The following IRAK4 variants were observed in gnomAD, a reference collection of about 807,000 sequenced individuals.
IRAK4 encodes the protein interleukin 1 receptor associated kinase 4, also known as interleukin-1 receptor-associated kinase 4.
A neutral mutation model predicts 51.8 loss-of-function variants in IRAK4; 44 were observed. The ratio of observed to expected loss-of-function variants is 0.85; its 90% CI spans 0.67 to 1.09. The LOEUF (loss-of-function observed/expected upper bound fraction) is 1.09. IRAK4 is among the 50% of genes least tolerant of loss of function. The probability of loss-of-function intolerance (pLI) is 0.00; values close to 1 mark genes in which losing one functional copy is unlikely to be tolerated. For synonymous variants in IRAK4, 149 were observed against 174.1 expected, an observed-to-expected ratio of 0.86 and a Z score of 1.13; for missense variants, 487 against 538.0, an observed-to-expected ratio of 0.91 and a Z score of 0.94.
chr12:43,764,566 T>A (rs1317357487), intron 1 of IRAK4, among the ~76,000 whole-genome samples: 1 of 152,246 alleles, frequency 6.6e-6, no homozygotes, highest in Non-Finnish European at 1.5e-5. Flanking sequence ...AAGTCTTTTT[T>A]ACATTATTAA....
chr12:43,771,104 C>G, intron 2 of IRAK4, 116 bp from the exon 3 acceptor site: 1 of 940,750 alleles, frequency 1.1e-6, no homozygotes, highest in Admixed American at 2.0e-5. Context: ...CCTCCAGAAC[C>G]GTGAGCCAAA....
intron 6 of IRAK4, among the ~76,000 whole-genome samples, chr12:43,776,585 T>A (rs537708077): frequency 3.3e-5 from 5 of 152,374 alleles, no homozygotes; most frequent in Admixed American, 3.3e-4. Context: ...CATGTTTACA[T>A]TTGCTCATTT....
chr12:43,767,958 A>G (rs1207871506), intron 1 of IRAK4, 145 bp from the exon 2 acceptor site: 8 of 631,854 alleles, frequency 1.3e-5, no homozygotes, highest in Non-Finnish European at 1.9e-5. Flanking sequence ...TTAGGATATC[A>G]ATGACTTGAC....
At chr12:43,777,590 TTTA>T (rs1280500859) in intron 6 of IRAK4, 37 bp from the exon 7 acceptor site, 1 of 1,553,504 alleles carries the variant, frequency 6.4e-7, no homozygotes, top group Non-Finnish European at 8.7e-7. Context: ...TGAATATATA[TTTA>T]TTATAATAAT....
intron 3 of IRAK4, among the ~76,000 whole-genome samples, chr12:43,771,893 C>T (rs993688148): frequency 1.3e-5 from 2 of 152,064 alleles, no homozygotes; most frequent in African/African-American, 4.8e-5. Flanking sequence ...TCTATGTAAT[C>T]AGAATTCTGG....
intron 7 of IRAK4, 42 bp from the exon 8 acceptor site, chr12:43,778,148 TTTA>T: frequency 8.9e-7 from 1 of 1,129,784 alleles, no homozygotes. Context: ...CTGTAGATTT[TTTA>T]TTATTCTTTC....
intron 3 of IRAK4, among the ~76,000 whole-genome samples, chr12:43,771,928 T>A (rs1379348699): frequency 6.6e-6 from 1 of 152,222 alleles, no homozygotes; most frequent in African/African-American, 2.4e-5. Context: ...TCTATATTCT[T>A]AAACAGGTGC....
At chr12:43,773,472 A>T (rs1487987081) in intron 5 of IRAK4, among the ~76,000 whole-genome samples, 1 of 151,954 alleles carries the variant, frequency 6.6e-6, no homozygotes, top group Non-Finnish European at 1.5e-5. Flanking sequence ...AAACATTAAA[A>T]TTTTTTTTAT....
At chr12:43,762,658 G>T (rs1375915597) in intron 1 of IRAK4, among the ~76,000 whole-genome samples, 1 of 152,148 alleles carries the variant, frequency 6.6e-6, no homozygotes, top group East Asian at 1.9e-4. Context: ...CACATAAACA[G>T]TAAAACATAA....
In IRAK4 at chr12:43,783,797, G is replaced by A. The variant is rs939403831; in HGVS notation, c.1188+73G>A. 3 of 984,288 alleles carry A rather than the reference G, an allele frequency of 3.0e-6. No individual in the cohort carries two copies. The African/African-American group carries it at 4.8e-5, about 16-fold the overall frequency. 61.0% of individuals were successfully genotyped at this position (984,288 alleles called of 1,614,324 possible). A position where few individuals can be genotyped will look rare whatever the true frequency, so the allele number is the denominator to read the frequency against. On this transcript the variant is annotated intron_variant, in intron 10 of 11. Transcript: ENST00000613694. ...AGTCTAAATTTATATGGATAAATTT[G>A]ACATCTAAAAATAACATTTTCTATT...
In IRAK4 at chr12:43,786,379, T is replaced by A; in HGVS notation, c.1189-20T>A. The A allele has an allele frequency of 6.7e-7, 1 of 1,503,032 alleles. No homozygotes were observed. The highest frequency in any genetic ancestry group is 9.1e-7 in the Non-Finnish European group (1 of 1,096,608). 93.1% of individuals were successfully genotyped at this position (1,503,032 alleles called of 1,614,324 possible). On this transcript the variant is annotated intron_variant, in intron 10 of 11. Coordinates refer to ENST00000613694, the MANE Select transcript of IRAK4 (RefSeq NM_016123.4). ...TCACTATGATTTGAAGCTCTTAAAGTTTTAACACTCATTTTAAAGCTAGAT... is the reference window on the plus strand; with the variant it reads ...TCACTATGATTTGAAGCTCTTAAAGATTTAACACTCATTTTAAAGCTAGAT...
At chr12:43,765,630 C>CAA (rs545650660) in intron 1 of IRAK4, among the ~76,000 whole-genome samples, 3,574 of 140,432 alleles carry the variant, frequency 0.025, 87 homozygotes, top group East Asian at 0.1. Context: ...ATACATTTTG[C>CAA]AAAAAAAAAA....
chr12:43,759,072 A>G (rs1248810859), intron 1 of IRAK4, 56 bp downstream of exon 1: 1 of 152,264 alleles, frequency 6.6e-6, no homozygotes, highest in African/African-American at 2.4e-5. Context: ...GTCCGCTTCC[A>G]GGCCTCGGCA....
intron 1 of IRAK4, among the ~76,000 whole-genome samples, chr12:43,760,343 C>T (rs977579190): frequency 3.9e-5 from 6 of 152,202 alleles, no homozygotes; most frequent in African/African-American, 1.4e-4. Context: ...CTCCTAAATG[C>T]TTCTTTCTTG....
chr12:43,777,941 C>T (rs1287290568), intron 7 of IRAK4, among the ~76,000 whole-genome samples, 197 bp downstream of exon 7: 1 of 152,068 alleles, frequency 6.6e-6, no homozygotes, highest in Non-Finnish European at 1.5e-5. Context: ...AGGTGGTAAT[C>T]TTAAATGTAG....
Position 43,778,281 on chromosome 12 carries a change from AT to A in IRAK4, c.921del (p.His307GlnfsTer38). Reference sequence around the variant, plus strand: ...ATCAATTTTCTACATGAAAATCATCATATTCATAGAGATATTAAAAGGTAAA... The same window carrying A: ...ATCAATTTTCTACATGAAAATCATCAATTCATAGAGATATTAAAAGGTAAA... ...NGINFLHENHHIHRDIKSANI... is the reference protein window; with the variant it reads ...NGINFLHENHXIHRDIKSANI... On this transcript the variant is annotated frameshift_variant, in exon 8 of 12. Transcript: ENST00000613694. LOFTEE classifies it high-confidence loss of function. 1 of 1,589,638 alleles carries A rather than the reference AT, an allele frequency of 6.3e-7. No homozygotes were observed. Among genetic ancestry groups the A allele is most frequent in the South Asian group, 1.1e-5 (1 of 90,580 alleles).
chr12:43,774,416 T>C (rs1328096725), intron 6 of IRAK4, among the ~76,000 whole-genome samples: 1 of 151,954 alleles, frequency 6.6e-6, no homozygotes, highest in Non-Finnish European at 1.5e-5. Flanking sequence ...GGCTAATTTT[T>C]TTCTGTATTT....
At chr12:43,784,667 A>G (rs1942057402) in intron 10 of IRAK4, among the ~76,000 whole-genome samples, 2 of 152,260 alleles carry the variant, frequency 1.3e-5, no homozygotes, top group Non-Finnish European at 2.9e-5. Context: ...AATGAAATGC[A>G]GAAAAACATA....
chr12:43,780,283 C>A (rs966206045), intron 8 of IRAK4, among the ~76,000 whole-genome samples: 2 of 152,100 alleles, frequency 1.3e-5, no homozygotes, highest in South Asian at 2.1e-4. Flanking sequence ...AGACATTTTA[C>A]TAGTGAAGGG....
Sources: gnomAD v4.1 joint callset for allele counts (sites outside exome capture counted in the v4.1 genomes callset) on GRCh38, gnomAD v4.1.1 for gene constraint, MANE v1.5 for transcripts, NCBI Gene and HGNC (gene_info 2026-07-23, HGNC 2026-07-21) for gene names.